CDH3: variants seen among roughly 807,000 people sequenced by gnomAD.
CDH3 encodes the protein cadherin-3.
A neutral mutation model predicts 82.0 loss-of-function variants in CDH3; 54 were observed. That is an observed-to-expected ratio of 0.66 (90% CI 0.53 to 0.83). The LOEUF (loss-of-function observed/expected upper bound fraction) is 0.83, where lower values mean the gene tolerates loss of function less well. Among genes scored for constraint, CDH3 ranks in the 40% least tolerant of loss-of-function variants. The pLI is 0.00. For missense variants in CDH3, 1,054 were observed against 1,084.6 expected, an observed-to-expected ratio of 0.97 and a Z score of 0.40; for synonymous variants, 446 against 437.9, an observed-to-expected ratio of 1.02 and a Z score of -0.23.
At chr16:68,689,494 C>T (rs1447658676) in intron 12 of CDH3, among the ~76,000 whole-genome samples, 2 of 151,648 alleles carry the variant, frequency 1.3e-5, no homozygotes, top group African/African-American at 4.8e-5. Flanking sequence ...CAAGATCGCG[C>T]CACTGCACTC....
At chr16:68,684,105 C>T (rs1961324832) in intron 9 of CDH3, among the ~76,000 whole-genome samples, 1 of 150,902 alleles carries the variant, frequency 6.6e-6, no homozygotes, top group African/African-American at 2.4e-5. Context: ...GTGGCACACA[C>T]CTGTAGTCCC....
At chr16:68,730,818 C>T (rs10852451), downstream of CDH3, among the ~76,000 whole-genome samples, 121,502 of 150,658 alleles carry the variant, frequency 0.81, 49,731 homozygotes, top group Non-Finnish European at 0.89. Context: ...GTCGGGAGTT[C>T]GAGACCAACC....
intron 2 of CDH3, among the ~76,000 whole-genome samples, chr16:68,654,510 C>T (rs1419287439): frequency 7.6e-6 from 1 of 131,966 alleles, no homozygotes. Flanking sequence ...CGAGACCAGC[C>T]TGGCCAACAT....
At chr16:68,648,504 T>G (rs1482957321) in intron 2 of CDH3, among the ~76,000 whole-genome samples, 2 of 151,678 alleles carry the variant, frequency 1.3e-5, no homozygotes, top group African/African-American at 4.9e-5. Flanking sequence ...CAGGCTAGAA[T>G]GCAGTGATGC....
At chr16:68,693,464 A>C (rs1486104297) in intron 13 of CDH3, among the ~76,000 whole-genome samples, 3 of 152,162 alleles carry the variant, frequency 2.0e-5, no homozygotes, top group Non-Finnish European at 4.4e-5. Context: ...GGTAAGACCC[A>C]TGGATGATCG....
Position 68,684,729 on chromosome 16 carries a change from C to T in CDH3, c.1329C>T (p.Pro443=). 6.2e-7 allele frequency: 1 copy of T among 1,614,174 alleles called. No homozygotes were observed. The highest frequency in any genetic ancestry group is 2.2e-5 in the East Asian group (1 of 44,876). The change falls in exon 10 of 16, where the codon CCC becomes CCT. Residue 443 remains proline, a synonymous_variant. Transcript: ENST00000264012. ...DVNEAPVFVP[P]SKVVEVQEGI... ...ATGAGGCACCTGTGTTTGTCCCACC[C>T]TCCAAAGTCGTTGAGGTCCAGGAGG...
In CDH3 at chr16:68,687,820, C is replaced by CT; in HGVS notation, c.1795+85dup. 3.2e-6 allele frequency: 3 copies of CT among 931,446 alleles called. No homozygotes were observed. In the South Asian group the frequency reaches 4.1e-5, roughly 13 times the overall value. 57.7% of individuals were successfully genotyped at this position (931,446 alleles called of 1,614,324 possible). On this transcript the variant is annotated intron_variant, in intron 12 of 15. Transcript: ENST00000264012. The stretch of plus-strand genomic sequence containing the variant: ...CCACACCAGGATTCTGCACACGTTC[C>CT]TATCCTAGCATCTTGTGGGCCATGG...
At chr16:68,711,768 G>A (rs879383968) in intron 1 of CDH3, among the ~76,000 whole-genome samples, 9 of 152,210 alleles carry the variant, frequency 5.9e-5, no homozygotes, top group Admixed American at 1.3e-4. Flanking sequence ...GCACGAGGGC[G>A]AGGGCATGGG....
At chr16:68,708,641 C>CTTTTTT (rs147333341) in intron 1 of CDH3, among the ~76,000 whole-genome samples, 1 of 147,532 alleles carries the variant, frequency 6.8e-6, no homozygotes. Flanking sequence ...CTTTCTTTTT[C>CTTTTTT]TTTTTTTTTT....
At chr16:68,722,137 G>T (rs763855460) in intron 1 of CDH3, among the ~76,000 whole-genome samples, 2 of 152,138 alleles carry the variant, frequency 1.3e-5, no homozygotes, top group African/African-American at 2.4e-5. Flanking sequence ...ATTGCTCTGG[G>T]TTGTAAATCC....
Position 68,709,439 on chromosome 16 carries a change from G to C in CDH3, c.100-12986G>C, listed in dbSNP as rs1166136293. Among the ~76,000 whole-genome samples, 6 of 152,112 alleles carry C rather than the reference G, an allele frequency of 3.9e-5. No individual in the cohort carries two copies. The East Asian group carries it at 1.2e-3, about 29-fold the overall frequency. On this transcript the variant is annotated intron_variant, in intron 1 of 2. Transcript: ENST00000569080. ...GCAAGCTCAAAAGGTGACCGGAGAA[G>C]GGTTCATGGAGGTGCAGTCTACAGT...
At chr16:68,717,191 T>G (rs1443023999) in intron 1 of CDH3, among the ~76,000 whole-genome samples, 2 of 152,222 alleles carry the variant, frequency 1.3e-5, no homozygotes, top group Non-Finnish European at 2.9e-5. Context: ...CTTTATTACT[T>G]GTATAATTTT....
intron 2 of CDH3, chr16:68,651,823 A>G: frequency 2.0e-6 from 1 of 491,132 alleles, no homozygotes; most frequent in South Asian, 1.6e-5. Flanking sequence ...GGGCTGATGG[A>G]GAGGCTGGTG....
chr16:68,661,226 A>T (rs1374980225), intron 2 of CDH3, among the ~76,000 whole-genome samples: 1 of 152,224 alleles, frequency 6.6e-6, no homozygotes, highest in Non-Finnish European at 1.5e-5. Flanking sequence ...TGAAGTTTGC[A>T]TGAAATATAT....
Position 68,699,662 on chromosome 16 carries a change from T to G in CDH3, c.*1262T>G, listed in dbSNP as rs988151733. ...CTATGCCCAGCTAATTTTTTTTGAG[T>G]GTGTGTGTTTTTTTAGTAGAGACGG... On this transcript the variant is annotated 3_prime_UTR_variant, in exon 16 of 16. Coordinates refer to ENST00000264012, the MANE Select transcript of CDH3 (RefSeq NM_001793.6). The G allele has an allele frequency of 2.0e-5, 3 of 151,666 alleles. No individual in the cohort carries two copies. The Admixed American group carries it at 2.0e-4, about 10-fold the overall frequency. 9.4% of individuals were successfully genotyped at this position (151,666 alleles called of 1,614,324 possible).
chr16:68,715,655 C>A (rs1345745304), intron 1 of CDH3, among the ~76,000 whole-genome samples: 1 of 152,208 alleles, frequency 6.6e-6, no homozygotes, highest in Non-Finnish European at 1.5e-5. Flanking sequence ...TTAATAAAGA[C>A]ATGTTGTTCT....
In CDH3 at chr16:68,676,397, G is replaced by A. The variant is rs753323144; in HGVS notation, c.173G>A (p.Cys58Tyr). The change falls in exon 3 of 16, where the codon TGC becomes TAC. Residue 58 changes from cysteine to tyrosine, a missense_variant. Coordinates refer to ENST00000264012, the MANE Select transcript of CDH3 (RefSeq NM_001793.6). ...GQALGKVFMG[C>Y]PGQEPALFST... ...CCCTTCCCCACAGTATTCATGGGCT[G>A]CCCTGGGCAAGAGCCAGCTCTGTTT... The A allele has an allele frequency of 3.1e-6, 5 of 1,613,384 alleles. No individual in the cohort carries two copies. The Admixed American group carries it at 6.7e-5, about 22-fold the overall frequency.
intron 11 of CDH3, 57 bp from the exon 12 acceptor site, chr16:68,687,455 C>G (rs1961443873): frequency 7.0e-7 from 1 of 1,425,732 alleles, no homozygotes; most frequent in Non-Finnish European, 9.9e-7. Flanking sequence ...GGAGGAGCCC[C>G]CCTGAGGCTG....
chr16:68,732,950 CG>C, the CDH3 span, among the ~76,000 whole-genome samples: 1 of 16,520 alleles, frequency 6.1e-5, no homozygotes, highest in Non-Finnish European at 1.3e-4. Flanking sequence ...GCTTTAGTGG[CG>C]GGGGTGGGGG....
Sources: gnomAD v4.1 joint callset for allele counts (sites outside exome capture counted in the v4.1 genomes callset) on GRCh38, gnomAD v4.1.1 for gene constraint, MANE v1.5 for transcripts, NCBI Gene and HGNC (gene_info 2026-07-23, HGNC 2026-07-21) for gene names.